Variants in BLTP3A observed in about 807,000 individuals in gnomAD.
BLTP3A encodes ICBP90 binding protein 1.
the BLTP3A span, chr6:34,867,111 C>T: frequency 6.0e-6 from 7 of 1,164,864 alleles, no homozygotes; most frequent in Non-Finnish European, 8.1e-6. Flanking sequence ...TTCTAGTTGT[C>T]TCATGAATGT....
chr6:34,870,937 G>A, the BLTP3A span: 1 of 1,614,210 alleles, frequency 6.2e-7, no homozygotes, highest in East Asian at 2.2e-5. Context: ...GGGGCCTGGA[G>A]CAGCTGTTCA....
the BLTP3A span, among the ~76,000 whole-genome samples, chr6:34,808,353 A>AAAAAG: frequency 1.0e-3 from 154 of 149,884 alleles, 4 homozygotes; most frequent in African/African-American, 3.5e-3. Context: ...TCTCAAAAAA[A>AAAAAG]AAAAAAAAAA....
At chr6:34,821,412 G>A in the BLTP3A span, 4 of 455,554 alleles carry the variant, frequency 8.8e-6, no homozygotes, top group Non-Finnish European at 1.2e-5. Context: ...CTTATATGGT[G>A]TAGAGATGGT....
At chr6:34,810,781 G>T in the BLTP3A span, among the ~76,000 whole-genome samples, 1 of 152,088 alleles carries the variant, frequency 6.6e-6, no homozygotes, top group Admixed American at 6.6e-5. Context: ...TTATCATTTA[G>T]TACTGCATCT....
At chr6:34,866,241 T>C in the BLTP3A span, among the ~76,000 whole-genome samples, 1 of 151,978 alleles carries the variant, frequency 6.6e-6, no homozygotes, top group South Asian at 2.1e-4. Context: ...CTGTCTCTAC[T>C]AAAAATACAA....
chr6:34,838,198 C>G, the BLTP3A span, among the ~76,000 whole-genome samples: 2 of 152,106 alleles, frequency 1.3e-5, no homozygotes, highest in Non-Finnish European at 2.9e-5. Flanking sequence ...TACAATACAC[C>G]AGGCTTTCAT....
chr6:34,833,291 C>G, the BLTP3A span, among the ~76,000 whole-genome samples: 2 of 152,172 alleles, frequency 1.3e-5, no homozygotes, highest in East Asian at 3.8e-4. Flanking sequence ...TGGAACTTCA[C>G]ATACCAAGGG....
At chr6:34,821,787 G>A in the BLTP3A span, 21 of 1,614,016 alleles carry the variant, frequency 1.3e-5, no homozygotes, top group Admixed American at 5.0e-5. Flanking sequence ...GCCATCACTC[G>A]GGTCTACTGC....
the BLTP3A span, among the ~76,000 whole-genome samples, chr6:34,833,901 A>G: frequency 7.0e-6 from 1 of 142,842 alleles, no homozygotes; most frequent in African/African-American, 2.7e-5. Context: ...CAGCCTGGTG[A>G]CAGAGTGAGA....
the BLTP3A span, among the ~76,000 whole-genome samples, chr6:34,800,222 G>T: frequency 6.6e-6 from 1 of 152,142 alleles, no homozygotes; most frequent in South Asian, 2.1e-4. Context: ...TTATTAGGGT[G>T]AAAAATTAGA....
chr6:34,842,598 C>CT, the BLTP3A span, among the ~76,000 whole-genome samples: 6 of 152,080 alleles, frequency 3.9e-5, no homozygotes, highest in African/African-American at 1.4e-4. Context: ...AATCCCAGCA[C>CT]TTTGGGAGGC....
At chr6:34,794,960 T>C in the BLTP3A span, among the ~76,000 whole-genome samples, 2 of 151,842 alleles carry the variant, frequency 1.3e-5, no homozygotes, top group Admixed American at 6.6e-5. Flanking sequence ...AATTTTTTTT[T>C]TGTATTTTAG....
At chr6:34,818,675 G>A in the BLTP3A span, among the ~76,000 whole-genome samples, 9 of 151,978 alleles carry the variant, frequency 5.9e-5, no homozygotes, top group African/African-American at 9.7e-5. Flanking sequence ...GCTTCCTGTC[G>A]ACCCCTCCCC....
the BLTP3A span, among the ~76,000 whole-genome samples, chr6:34,864,447 A>G: frequency 3.3e-5 from 5 of 151,654 alleles, no homozygotes; most frequent in Admixed American, 2.0e-4. Flanking sequence ...AGGAGAAAGC[A>G]CTAGTCTTAC....
chr6:34,839,658 C>A, the BLTP3A span, among the ~76,000 whole-genome samples: 1 of 152,174 alleles, frequency 6.6e-6, no homozygotes, highest in Admixed American at 6.6e-5. Context: ...GGGGCACTGC[C>A]AGGGGGTAGG....
At chr6:34,845,333 TTTTGTTTG>T in the BLTP3A span, among the ~76,000 whole-genome samples, 23 of 152,200 alleles carry the variant, frequency 1.5e-4, no homozygotes, top group East Asian at 5.8e-4. Flanking sequence ...GCTATTCTGT[TTTTGTTTG>T]TTTGTTTGTT....
the BLTP3A span, among the ~76,000 whole-genome samples, chr6:34,814,312 G>A: frequency 2.0e-5 from 3 of 152,238 alleles, no homozygotes; most frequent in Non-Finnish European, 2.9e-5. Flanking sequence ...CACTGTGCCC[G>A]ACCATCTTTT....
chr6:34,858,548 C>T, the BLTP3A span: 1 of 1,614,162 alleles, frequency 6.2e-7, no homozygotes, highest in Non-Finnish European at 8.5e-7. Context: ...GCCTGCCTAC[C>T]CCTCCGCTGG....
the BLTP3A span, chr6:34,857,435 C>T: frequency 6.2e-7 from 1 of 1,614,194 alleles, no homozygotes; most frequent in Non-Finnish European, 8.5e-7. Flanking sequence ...ATTGAGTTCA[C>T]AGAGTATTAC....
Sources: allele counts gnomAD v4.1 joint callset (sites outside exome capture counted in the v4.1 genomes callset), GRCh38; gene constraint gnomAD v4.1.1; transcripts MANE v1.5; gene names NCBI Gene and HGNC (gene_info 2026-07-23, HGNC 2026-07-21).